The following EDIL3 variants were observed in gnomAD, a reference collection of about 807,000 sequenced individuals.
EDIL3 encodes EGF-like repeat and discoidin I-like domain-containing protein 3.
A neutral mutation model predicts 67.4 loss-of-function variants in EDIL3; 37 were observed. The observed-to-expected ratio is 0.55, with a 90% confidence interval of 0.42 to 0.72. The LOEUF (loss-of-function observed/expected upper bound fraction) is 0.72. Among genes scored for constraint, EDIL3 ranks in the 30% least tolerant of loss-of-function variants. The probability of loss-of-function intolerance (pLI) is 0.00; values close to 1 mark genes in which losing one functional copy is unlikely to be tolerated. For synonymous variants in EDIL3, 195 were observed against 196.3 expected, an observed-to-expected ratio of 0.99 and a Z score of 0.05; for missense variants, 527 against 586.3, an observed-to-expected ratio of 0.90 and a Z score of 1.04.
intron 10 of EDIL3, among the ~76,000 whole-genome samples, chr5:83,946,276 A>G (rs982011513): frequency 6.6e-6 from 1 of 151,932 alleles, no homozygotes; most frequent in Non-Finnish European, 1.5e-5. Context: ...AACTATGCAC[A>G]AGTTCCAGTT....
At chr5:84,031,412 T>C (rs73769706) in intron 9 of EDIL3, among the ~76,000 whole-genome samples, 2,468 of 152,318 alleles carry the variant, frequency 0.016, 77 homozygotes, top group African/African-American at 0.057. Flanking sequence ...AAAATTGTAT[T>C]TTCAGACAAA....
chr5:83,950,538 C>G (rs1452343296), intron 10 of EDIL3, among the ~76,000 whole-genome samples: 1 of 151,780 alleles, frequency 6.6e-6, no homozygotes, highest in Non-Finnish European at 1.5e-5. Context: ...ACTTTCTATT[C>G]TGATTCTTTG....
chr5:84,116,953 T>C (rs1333844432), intron 5 of EDIL3, among the ~76,000 whole-genome samples: 2 of 151,780 alleles, frequency 1.3e-5, no homozygotes, highest in African/African-American at 4.8e-5. Context: ...TTCTGTTTCT[T>C]TTCAAATTTA....
chr5:84,278,175 C>T (rs1745626198), intron 1 of EDIL3, among the ~76,000 whole-genome samples: 1 of 152,090 alleles, frequency 6.6e-6, no homozygotes, highest in South Asian at 2.1e-4. Context: ...TATGTATGAA[C>T]CAACAGTAGA....
chr5:84,197,115 T>C (rs1289894897), intron 3 of EDIL3: 1 of 152,036 alleles, frequency 6.6e-6, no homozygotes. Context: ...GTACATGCCA[T>C]GTGTGAGGCA....
intron 1 of EDIL3, among the ~76,000 whole-genome samples, chr5:84,376,268 T>C (rs950646576): frequency 1.3e-5 from 2 of 152,180 alleles, no homozygotes; most frequent in Non-Finnish European, 2.9e-5. Flanking sequence ...TTAGAAAGAA[T>C]GTACCTTGTT....
Position 84,044,634 on chromosome 5 carries a change from G to C in EDIL3, c.1137+15666C>G, listed in dbSNP as rs550219254. Among the ~76,000 whole-genome samples the C allele has an allele frequency of 3.3e-5, 5 of 152,228 alleles. No individual in the cohort carries two copies. The South Asian group carries it at 6.2e-4, about 19-fold the overall frequency. On this transcript the variant is annotated intron_variant, in intron 9 of 10. Transcript: ENST00000296591. ...CTCGTAGTGGAACTATCTGAAGAAA[G>C]GGTCATCTGGATAATGGAAATTTTG... is the stretch of plus-strand genomic sequence containing the variant.
At chr5:83,943,866 C>G (rs1744268429) in intron 10 of EDIL3, among the ~76,000 whole-genome samples, 1 of 151,782 alleles carries the variant, frequency 6.6e-6, no homozygotes, top group Non-Finnish European at 1.5e-5. Flanking sequence ...TTGCTTATGT[C>G]ACAGGCTGAC....
chr5:84,205,235 T>G (rs1241092246), intron 3 of EDIL3, among the ~76,000 whole-genome samples: 3 of 152,094 alleles, frequency 2.0e-5, no homozygotes, highest in African/African-American at 7.2e-5. Context: ...AGTAACTTTC[T>G]AATAACATAT....
chr5:84,128,227 G>A (rs1458652102), intron 5 of EDIL3, among the ~76,000 whole-genome samples: 1 of 152,032 alleles, frequency 6.6e-6, no homozygotes, highest in Admixed American at 6.6e-5. Flanking sequence ...GAGAGCTCAG[G>A]AAATCATGCC....
In EDIL3 at chr5:84,254,140, G is replaced by C. The variant is rs780453775; in HGVS notation, c.140C>G (p.Ser47Cys). The C allele has an allele frequency of 9.3e-6, 15 of 1,612,954 alleles. No homozygotes were observed. The Admixed American group carries it at 1.8e-4, about 20-fold the overall frequency. The change falls in exon 2 of 11, where the codon TCC becomes TGC. Residue 47 changes from serine to cysteine, a missense_variant. Around this residue, in one of 2 missense-constraint regions of EDIL3, gnomAD observed 494 missense variants for 522.5 expected, o/e 0.95. Coordinates refer to ENST00000296591, the MANE Select transcript of EDIL3 (RefSeq NM_005711.5). ...CLPGLADGSFSCECPDGFTDP... is the reference protein window; with the variant it reads ...CLPGLADGSFCCECPDGFTDP... ...TGTGAAGCCATCTGGACACTCACAG[G>C]AAAAGGAACCATCAGCCAATCCTGG...
chr5:84,311,557 TTTTTTTTTTTA>T (rs1231459076), intron 1 of EDIL3, among the ~76,000 whole-genome samples: 1 of 140,880 alleles, frequency 7.1e-6, no homozygotes, highest in Non-Finnish European at 1.5e-5. Context: ...GGGTGTCCAG[TTTTTTTTTTTA>T]TTTTTTTTTT....
At chr5:84,127,034 A>G (rs1414414249) in intron 5 of EDIL3, among the ~76,000 whole-genome samples, 1 of 152,068 alleles carries the variant, frequency 6.6e-6, no homozygotes, top group Non-Finnish European at 1.5e-5. Flanking sequence ...ACCAGAGAAA[A>G]TATAAAGCAA....
chr5:84,081,694 T>C (rs1282770870), intron 6 of EDIL3, among the ~76,000 whole-genome samples: 1 of 152,146 alleles, frequency 6.6e-6, no homozygotes, highest in Admixed American at 6.5e-5. Context: ...CTTTAGTTGT[T>C]GTGAAATGGG....
intron 5 of EDIL3, among the ~76,000 whole-genome samples, chr5:84,126,470 T>C (rs924774223): frequency 6.6e-6 from 1 of 152,072 alleles, no homozygotes; most frequent in Admixed American, 6.6e-5. Context: ...TTTAAAAATA[T>C]GTGACTTATC....
chr5:83,991,418 T>C (rs909141341), intron 9 of EDIL3, among the ~76,000 whole-genome samples: 3 of 152,168 alleles, frequency 2.0e-5, no homozygotes, highest in Non-Finnish European at 4.4e-5. Context: ...TTCTGCCTCA[T>C]CGATTCACCA....
chr5:83,951,063 A>G (rs561304011), intron 10 of EDIL3, among the ~76,000 whole-genome samples: 9 of 151,920 alleles, frequency 5.9e-5, no homozygotes, highest in African/African-American at 2.2e-4. Flanking sequence ...AGATTTCTCC[A>G]TGAAACTACC....
intron 2 of EDIL3, 70 bp downstream of exon 2, chr5:84,254,014 C>T: frequency 6.7e-7 from 1 of 1,488,576 alleles, no homozygotes; most frequent in Non-Finnish European, 9.0e-7. Flanking sequence ...CATAATGCAC[C>T]ACAGCCAAAC....
chr5:84,320,738 T>G (rs1746620392), intron 1 of EDIL3, among the ~76,000 whole-genome samples: 1 of 152,146 alleles, frequency 6.6e-6, no homozygotes, highest in Non-Finnish European at 1.5e-5. Flanking sequence ...CTGCAACTGT[T>G]CTGGTTCCAA....
Sources: allele counts gnomAD v4.1 joint callset (sites outside exome capture counted in the v4.1 genomes callset), GRCh38; gene constraint gnomAD v4.1.1; regional missense constraint gnomAD v4.1.1; transcripts MANE v1.5; gene names NCBI Gene and HGNC (gene_info 2026-07-23, HGNC 2026-07-21).